Variants in IQSEC1 observed in about 807,000 individuals in gnomAD.
The protein encoded by IQSEC1 is IQ motif and Sec7 domain ArfGEF 1.
A neutral mutation model predicts 91.0 loss-of-function variants in IQSEC1; 31 were observed. That is an observed-to-expected ratio of 0.34 (90% CI 0.26 to 0.46). IQSEC1 has a LOEUF of 0.46. Ranked by LOEUF, IQSEC1 falls within the 20% of genes least tolerant of loss-of-function variation. The pLI is 1.00. For synonymous variants in IQSEC1, 699 were observed against 662.6 expected, an observed-to-expected ratio of 1.05 and a Z score of -0.84; for missense variants, 1,388 against 1,575.6, an observed-to-expected ratio of 0.88 and a Z score of 2.02.
intron 2 of IQSEC1, among the ~76,000 whole-genome samples, chr3:13,091,128 C>T (rs1284999224): frequency 6.6e-6 from 1 of 152,178 alleles, no homozygotes. Context: ...CCGGTCTTGA[C>T]TCAGTGGACA....
At chr3:12,987,113 C>T (rs1358716257) in intron 1 of IQSEC1, 5 of 290,938 alleles carry the variant, frequency 1.7e-5, no homozygotes, top group Admixed American at 9.2e-5. Flanking sequence ...GGTCATAAAC[C>T]CTGAGCCCCT....
chr3:13,243,491 G>A (rs1264508633), intron 1 of IQSEC1, among the ~76,000 whole-genome samples: 1 of 152,168 alleles, frequency 6.6e-6, no homozygotes, highest in Non-Finnish European at 1.5e-5. Context: ...CTTCTTCCAG[G>A]GGTGCTCTCT....
chr3:13,073,238 GCT>G lies in IQSEC1; in HGVS notation c.-226_-225del, dbSNP rs1163744467. On this transcript the variant is annotated 5_prime_UTR_variant, in exon 1 of 14. Transcript: ENST00000613206. ...TGGAGGGCCCTGGCACGTAGCGCGC[GCT>G]CACACCGTGCCCAGGAGCGAGCGAG... 1 of 598,408 alleles carries G rather than the reference GCT, an allele frequency of 1.7e-6. No homozygotes were observed. Among genetic ancestry groups the G allele is most frequent in the East Asian group, 2.9e-5 (1 of 34,914 alleles). 37.1% of individuals were successfully genotyped at this position (598,408 alleles called of 1,614,324 possible).
intron 1 of IQSEC1, among the ~76,000 whole-genome samples, chr3:12,961,298 C>T (rs917868756): frequency 1.3e-5 from 2 of 152,260 alleles, no homozygotes; most frequent in African/African-American, 4.8e-5. Flanking sequence ...GATGTCCTAA[C>T]ACCTCAGGGT....
intron 13 of IQSEC1, among the ~76,000 whole-genome samples, chr3:12,902,232 TTC>T (rs1381461429): frequency 6.6e-6 from 1 of 152,060 alleles, no homozygotes; most frequent in Non-Finnish European, 1.5e-5. Context: ...CTGAATCTCT[TTC>T]TCTCAAGACA....
intron 1 of IQSEC1, among the ~76,000 whole-genome samples, chr3:13,020,257 G>A (rs905126040): frequency 4.6e-5 from 7 of 151,502 alleles, no homozygotes; most frequent in Non-Finnish European, 8.8e-5. Context: ...GTCTGGGGCA[G>A]GGGCAGGGGC....
intron 1 of IQSEC1, among the ~76,000 whole-genome samples, chr3:13,235,215 C>T (rs1422203520): frequency 3.9e-5 from 6 of 152,138 alleles, no homozygotes; most frequent in Admixed American, 1.3e-4. Context: ...GCCTGGTGGG[C>T]CCCTCAGTCA....
chr3:13,072,333 G>T (rs989656129), intron 1 of IQSEC1, among the ~76,000 whole-genome samples: 1 of 152,226 alleles, frequency 6.6e-6, no homozygotes, highest in African/African-American at 2.4e-5. Context: ...GAACCCCACT[G>T]CCCCCTGGGA....
At chr3:13,064,795 ATC>A (rs1705180438) in intron 1 of IQSEC1, among the ~76,000 whole-genome samples, 1 of 152,234 alleles carries the variant, frequency 6.6e-6, no homozygotes, top group Admixed American at 6.5e-5. Flanking sequence ...GCCCATAAAT[ATC>A]TGTGTGGATT....
intron 1 of IQSEC1, among the ~76,000 whole-genome samples, chr3:13,176,838 G>A (rs1019731040): frequency 1.1e-4 from 17 of 152,182 alleles, no homozygotes; most frequent in Admixed American, 3.9e-4. Flanking sequence ...CCATCAGCTC[G>A]GTACAGATAG....
intron 1 of IQSEC1, among the ~76,000 whole-genome samples, chr3:13,029,622 C>T (rs1388829922): frequency 6.6e-6 from 1 of 152,238 alleles, no homozygotes; most frequent in Non-Finnish European, 1.5e-5. Context: ...TCCTGACTCC[C>T]TGGGTCTTGC....
intron 1 of IQSEC1, among the ~76,000 whole-genome samples, chr3:13,261,124 T>A (rs1313382110): frequency 6.6e-6 from 1 of 152,232 alleles, no homozygotes. Flanking sequence ...TGACCAGCTA[T>A]AGCGGACACT....
At chr3:13,116,499 A>G (rs562768898) in intron 2 of IQSEC1, among the ~76,000 whole-genome samples, 1 of 152,238 alleles carries the variant, frequency 6.6e-6, no homozygotes, top group Non-Finnish European at 1.5e-5. Flanking sequence ...AAGAACATAC[A>G]ATGGGGAAAG....
intron 1 of IQSEC1, among the ~76,000 whole-genome samples, chr3:13,067,849 A>G (rs1705287860): frequency 6.6e-6 from 1 of 152,218 alleles, no homozygotes; most frequent in Non-Finnish European, 1.5e-5. Flanking sequence ...ATTCTTAAAG[A>G]CCAAGTGAGT....
At chr3:13,159,927 T>A (rs1473790707) in intron 2 of IQSEC1, among the ~76,000 whole-genome samples, 1 of 152,110 alleles carries the variant, frequency 6.6e-6, no homozygotes, top group Non-Finnish European at 1.5e-5. Flanking sequence ...CTTCCTATGG[T>A]CCCTCTTCCA....
intron 2 of IQSEC1, among the ~76,000 whole-genome samples, chr3:13,138,688 C>A (rs1447489253): frequency 6.6e-6 from 1 of 152,114 alleles, no homozygotes; most frequent in Non-Finnish European, 1.5e-5. Flanking sequence ...GCCACCATGA[C>A]CTTGTGCAGC....
At chr3:13,241,727 T>TGGCA (rs1156359987) in intron 1 of IQSEC1, among the ~76,000 whole-genome samples, 1 of 152,254 alleles carries the variant, frequency 6.6e-6, no homozygotes, top group Non-Finnish European at 1.5e-5. Context: ...GAAACAGGGC[T>TGGCA]GGCAGGTCCT....
chr3:13,250,332 G>A (rs1278100162), intron 1 of IQSEC1, among the ~76,000 whole-genome samples: 3 of 152,122 alleles, frequency 2.0e-5, no homozygotes, highest in Admixed American at 6.5e-5. Flanking sequence ...GGACAAACGC[G>A]GGGACCTGGT....
intron 1 of IQSEC1, among the ~76,000 whole-genome samples, chr3:12,993,563 C>A (rs1306913483): frequency 6.6e-6 from 1 of 152,236 alleles, no homozygotes; most frequent in African/African-American, 2.4e-5. Context: ...TCACGTACCC[C>A]CGCTTCGGGG....
Sources: gnomAD v4.1 joint callset for allele counts (sites outside exome capture counted in the v4.1 genomes callset) on GRCh38, gnomAD v4.1.1 for gene constraint, MANE v1.5 for transcripts, NCBI Gene and HGNC (gene_info 2026-07-23, HGNC 2026-07-21) for gene names.